The following SH3PXD2B variants were observed in gnomAD, a reference collection of about 807,000 sequenced individuals.
SH3PXD2B encodes SH3 and PX domain-containing protein 2B.
Under a neutral mutation model 73.1 loss-of-function variants are expected in SH3PXD2B, and 37 were observed. The observed-to-expected ratio is 0.51, with a 90% CI of 0.39 to 0.67. The LOEUF (loss-of-function observed/expected upper bound fraction) is 0.67, where lower values mean the gene tolerates loss of function less well. Among genes scored for constraint, SH3PXD2B ranks in the 30% least tolerant of loss-of-function variants. The pLI is 0.00. For missense variants in SH3PXD2B, 1,053 were observed against 1,197.8 expected, an observed-to-expected ratio of 0.88 and a Z score of 1.78; for synonymous variants, 457 against 480.5, an observed-to-expected ratio of 0.95 and a Z score of 0.64.
intron 1 of SH3PXD2B, among the ~76,000 whole-genome samples, chr5:172,438,354 C>T (rs1759440071): frequency 6.6e-6 from 1 of 152,176 alleles, no homozygotes; most frequent in Non-Finnish European, 1.5e-5. Context: ...CATTACTGCA[C>T]CCCCACTGCC....
intron 1 of SH3PXD2B, among the ~76,000 whole-genome samples, chr5:172,427,072 A>G (rs1759110817): frequency 6.6e-6 from 1 of 152,232 alleles, no homozygotes; most frequent in Non-Finnish European, 1.5e-5. Context: ...TATTCACAAG[A>G]GGCCAAAGAT....
chr5:172,346,377 C>A, intron 11 of SH3PXD2B, 116 bp from the exon 12 acceptor site: 2 of 1,515,108 alleles, frequency 1.3e-6, no homozygotes, highest in Middle Eastern at 1.7e-4. Context: ...TGCTGGGGAC[C>A]TAGTTGGATT....
intron 6 of SH3PXD2B, among the ~76,000 whole-genome samples, chr5:172,370,072 A>G (rs1039485193): frequency 5.3e-5 from 8 of 152,262 alleles, no homozygotes; most frequent in Non-Finnish European, 1.0e-4. Context: ...TTCAGCATCC[A>G]GCACAGGTGT....
At chr5:172,354,954 C>G (rs552084152) in intron 8 of SH3PXD2B, among the ~76,000 whole-genome samples, 34 of 152,172 alleles carry the variant, frequency 2.2e-4, no homozygotes, top group Non-Finnish European at 4.6e-4. Context: ...GGTTGCTCAT[C>G]GCTGCACTCT....
intron 1 of SH3PXD2B, among the ~76,000 whole-genome samples, chr5:172,429,381 C>T (rs1759178225): frequency 6.6e-6 from 1 of 152,188 alleles, no homozygotes; most frequent in African/African-American, 2.4e-5. Flanking sequence ...CAAGGAAGCA[C>T]AGAAACCACA....
intron 2 of SH3PXD2B, among the ~76,000 whole-genome samples, chr5:172,411,608 T>C (rs1017242267): frequency 6.6e-6 from 1 of 152,190 alleles, no homozygotes; most frequent in Non-Finnish European, 1.5e-5. Flanking sequence ...TGAGCCTGTT[T>C]GGCCGTCTGC....
At chr5:172,418,170 C>A (rs996500847) in intron 2 of SH3PXD2B, among the ~76,000 whole-genome samples, 3 of 152,214 alleles carry the variant, frequency 2.0e-5, no homozygotes, top group Admixed American at 2.0e-4. Flanking sequence ...TCGGGCGAAC[C>A]ACTTAACCTC....
At chr5:172,397,900 A>C (rs979068959) in intron 3 of SH3PXD2B, among the ~76,000 whole-genome samples, 1 of 152,232 alleles carries the variant, frequency 6.6e-6, no homozygotes, top group African/African-American at 2.4e-5. Context: ...CAGTTACTGT[A>C]AAAGAAAACA....
intron 1 of SH3PXD2B, among the ~76,000 whole-genome samples, chr5:172,438,264 AGCTCCCACTCTCT>A (rs1759438722): frequency 6.6e-6 from 1 of 152,024 alleles, no homozygotes; most frequent in African/African-American, 2.4e-5. Context: ...GTCTCAGTCT[AGCTCCCACTCTCT>A]GAGTTCCCAC....
Position 172,337,853 on chromosome 5 carries a change from T to C in SH3PXD2B, c.*516A>G, listed in dbSNP as rs1324990147. Reference sequence around the variant, plus strand: ...TCCCTGGAACTGGTAATGGAATGCATTTCTTCAGGATGAAGTTCCTTCTGG... The same window carrying C: ...TCCCTGGAACTGGTAATGGAATGCACTTCTTCAGGATGAAGTTCCTTCTGG... On this transcript the variant is annotated 3_prime_UTR_variant, in exon 13 of 13. Coordinates refer to ENST00000311601, the MANE Select transcript of SH3PXD2B (RefSeq NM_001017995.3). 1 of 1,004,310 alleles carries C rather than the reference T, an allele frequency of 1.0e-6. No individual in the cohort carries two copies. The highest frequency in any genetic ancestry group is 1.2e-6 in the Non-Finnish European group (1 of 840,644). 62.2% of individuals were successfully genotyped at this position (1,004,310 alleles called of 1,614,324 possible).
chr5:172,443,048 C>A (rs1393593377), intron 1 of SH3PXD2B, among the ~76,000 whole-genome samples: 1 of 152,120 alleles, frequency 6.6e-6, no homozygotes, highest in Non-Finnish European at 1.5e-5. Context: ...ACATAGATCC[C>A]AAATGAAACT....
intron 2 of SH3PXD2B, among the ~76,000 whole-genome samples, chr5:172,414,725 C>T (rs1758781368): frequency 6.6e-6 from 1 of 152,186 alleles, no homozygotes. Context: ...GCATGAACTT[C>T]CCCGTAGGGA....
chr5:172,404,985 G>A (rs530179012), intron 3 of SH3PXD2B, among the ~76,000 whole-genome samples: 3 of 152,352 alleles, frequency 2.0e-5, no homozygotes, highest in Non-Finnish European at 2.9e-5. Context: ...TGCCTATGCC[G>A]CAGGGCTGCT....
At chr5:172,420,058 T>C (rs780104225) in intron 2 of SH3PXD2B, among the ~76,000 whole-genome samples, 6 of 152,248 alleles carry the variant, frequency 3.9e-5, no homozygotes, top group Non-Finnish European at 8.8e-5. Flanking sequence ...CTCCTGCCCA[T>C]GGCATCGAAA....
chr5:172,415,273 A>T (rs1758794138), intron 2 of SH3PXD2B, among the ~76,000 whole-genome samples: 1 of 152,168 alleles, frequency 6.6e-6, no homozygotes, highest in Admixed American at 6.5e-5. Context: ...TACAGTGTAG[A>T]GGGGCTCATG....
chr5:172,387,201 G>A (rs1758079380), intron 4 of SH3PXD2B, among the ~76,000 whole-genome samples: 1 of 152,302 alleles, frequency 6.6e-6, no homozygotes, highest in East Asian at 1.9e-4. Flanking sequence ...ACTCACAAGT[G>A]TGTATGTTTG....
chr5:172,422,369 T>C, intron 2 of SH3PXD2B, 47 bp downstream of exon 2: 1 of 1,513,886 alleles, frequency 6.6e-7, no homozygotes, highest in Non-Finnish European at 9.0e-7. Flanking sequence ...TAAGTCCAAT[T>C]AAACTCTTTC....
rs1756633520 is a variant in SH3PXD2B, at chr5:172,334,213, C to G, written c.*4156G>C. On this transcript the variant is annotated 3_prime_UTR_variant, in exon 13 of 13. Coordinates refer to ENST00000311601, the MANE Select transcript of SH3PXD2B (RefSeq NM_001017995.3). ...TAGCACCAGAAACCAGATGCCACCCCACGGAGCTGGGCAGTCCAGTCTGTA... is the reference window on the plus strand; with the variant it reads ...TAGCACCAGAAACCAGATGCCACCCGACGGAGCTGGGCAGTCCAGTCTGTA... The G allele has an allele frequency of 1.8e-6, 2 of 1,095,972 alleles. No homozygotes were observed. Among genetic ancestry groups the G allele is most frequent in the Non-Finnish European group, 2.2e-6 (2 of 899,784 alleles). 67.9% of individuals were successfully genotyped at this position (1,095,972 alleles called of 1,614,324 possible). A position where few individuals can be genotyped will look rare whatever the true frequency, so the allele number is the denominator to read the frequency against.
At chr5:172,381,408 C>T (rs979709725) in intron 5 of SH3PXD2B, among the ~76,000 whole-genome samples, 4 of 152,322 alleles carry the variant, frequency 2.6e-5, no homozygotes, top group South Asian at 2.1e-4. Flanking sequence ...GCACCCGGGC[C>T]GGCCAGAGTG....
Sources: allele counts gnomAD v4.1 joint callset (sites outside exome capture counted in the v4.1 genomes callset), GRCh38; gene constraint gnomAD v4.1.1; transcripts MANE v1.5; gene names NCBI Gene and HGNC (gene_info 2026-07-23, HGNC 2026-07-21).